The following RBFOX1 variants were observed in gnomAD, a reference collection of about 807,000 sequenced individuals.
The protein encoded by RBFOX1 is RNA binding protein fox-1 homolog 1.
A neutral mutation model predicts 57.7 loss-of-function variants in RBFOX1; 8 were observed. The observed-to-expected ratio is 0.14, with a 90% CI of 0.08 to 0.25. RBFOX1 has a LOEUF of 0.25. Among genes scored for constraint, RBFOX1 ranks in the 10% least tolerant of loss-of-function variants. The pLI is 1.00. For synonymous variants in RBFOX1, 326 were observed against 222.4 expected, an observed-to-expected ratio of 1.47 and a Z score of -4.15; for missense variants, 611 against 548.5, an observed-to-expected ratio of 1.11 and a Z score of -1.14.
intron 3 of RBFOX1, among the ~76,000 whole-genome samples, chr16:6,948,654 T>C (rs1598117037): frequency 6.6e-6 from 1 of 152,086 alleles, no homozygotes; most frequent in African/African-American, 2.4e-5. Context: ...AGTGCTGGGA[T>C]TACAAGCGTG....
At chr16:6,491,881 T>G (rs779882398) in intron 2 of RBFOX1, among the ~76,000 whole-genome samples, 2 of 152,216 alleles carry the variant, frequency 1.3e-5, no homozygotes, top group Admixed American at 1.3e-4. Flanking sequence ...GAATCTGATG[T>G]AGATGAAGAG....
intron 4 of RBFOX1, among the ~76,000 whole-genome samples, chr16:7,423,746 A>T (rs1020500850): frequency 6.6e-6 from 1 of 151,924 alleles, no homozygotes; most frequent in African/African-American, 2.4e-5. Context: ...TGTATTGCAC[A>T]CCTCTGTTCT....
chr16:7,141,010 G>A (rs1037576351), intron 4 of RBFOX1, among the ~76,000 whole-genome samples: 1 of 152,154 alleles, frequency 6.6e-6, no homozygotes, highest in African/African-American at 2.4e-5. Flanking sequence ...TAATAATGAA[G>A]CCTCCTCCAG....
At position 5,751,398 on chromosome 16, in the gene RBFOX1, C is replaced by A. The variant is rs370328989; in HGVS notation, c.319-115905C>A. 2.6e-5 allele frequency among the ~76,000 whole-genome samples: 4 copies of A among 152,304 alleles called. No homozygotes were observed. The East Asian group carries it at 7.7e-4, about 29-fold the overall frequency. ...TCATACTGATTACGTCTCTTGACATCTCTGTGAAGCAAGTGGGCGGATACC... is the reference window on the plus strand; with the variant it reads ...TCATACTGATTACGTCTCTTGACATATCTGTGAAGCAAGTGGGCGGATACC... On this transcript the variant is annotated intron_variant, in intron 3 of 19. Transcript: ENST00000641259.
chr16:7,374,013 C>T (rs1379293316), intron 4 of RBFOX1, among the ~76,000 whole-genome samples: 2 of 152,096 alleles, frequency 1.3e-5, no homozygotes, highest in Non-Finnish European at 2.9e-5. Context: ...CAGATATGAG[C>T]CATAAAACTT....
At chr16:5,373,919 A>G (rs1180116614) in intron 1 of RBFOX1, among the ~76,000 whole-genome samples, 1 of 149,170 alleles carries the variant, frequency 6.7e-6, no homozygotes, top group Non-Finnish European at 1.5e-5. Flanking sequence ...TCTTTTCTTT[A>G]TATGTTACCC....
At chr16:7,110,370 A>G (rs1304930600) in intron 4 of RBFOX1, among the ~76,000 whole-genome samples, 2 of 149,674 alleles carry the variant, frequency 1.3e-5, no homozygotes, top group Admixed American at 1.3e-4. Flanking sequence ...CTTAAAAAAA[A>G]GATCGTTCCC....
intron 4 of RBFOX1, among the ~76,000 whole-genome samples, chr16:5,988,840 A>G (rs1450749574): frequency 6.6e-6 from 1 of 152,106 alleles, no homozygotes; most frequent in East Asian, 1.9e-4. Context: ...ACCAAGACTC[A>G]GAGAGTATGA....
rs1240632286 is a variant in RBFOX1 at position 6,162,501 on chromosome 16, C to G, written c.-127+142509C>G. Among the ~76,000 whole-genome samples the G allele has an allele frequency of 2.0e-5, 3 of 152,160 alleles. No individual in the cohort carries two copies. The East Asian group carries it at 5.8e-4, about 29-fold the overall frequency. ...GGTGCATCTATATAAAATGTGACAA[C>G]TATTATCTGTTTAAGGAACGAAATG... is the stretch of plus-strand genomic sequence containing the variant. On this transcript the variant is annotated intron_variant, in intron 1 of 15. Transcript: ENST00000550418.
At chr16:5,712,919 C>G (rs987111986) in intron 3 of RBFOX1, among the ~76,000 whole-genome samples, 1 of 152,140 alleles carries the variant, frequency 6.6e-6, no homozygotes, top group South Asian at 2.1e-4. Context: ...CATGTTTTTC[C>G]ATGGAGATTG....
At chr16:6,801,933 A>G (rs983957053) in intron 3 of RBFOX1, among the ~76,000 whole-genome samples, 2 of 152,112 alleles carry the variant, frequency 1.3e-5, no homozygotes, top group African/African-American at 4.8e-5. Context: ...CTGGACCTTC[A>G]GTAAATTTAA....
At chr16:6,865,339 G>C (rs56258255) in intron 3 of RBFOX1, among the ~76,000 whole-genome samples, 13,113 of 151,954 alleles carry the variant, frequency 0.086, 618 homozygotes, top group South Asian at 0.12. Flanking sequence ...ATAATTACTT[G>C]AATAATATGT....
chr16:5,545,428 A>G (rs1466775500), intron 2 of RBFOX1, among the ~76,000 whole-genome samples: 1 of 152,232 alleles, frequency 6.6e-6, no homozygotes, highest in Non-Finnish European at 1.5e-5. Context: ...ACTGAAGTCC[A>G]ATATCTATCA....
chr16:7,589,090 A>C (rs964106589), intron 7 of RBFOX1, among the ~76,000 whole-genome samples: 4 of 152,168 alleles, frequency 2.6e-5, no homozygotes, highest in Admixed American at 1.3e-4. Flanking sequence ...CTGCAAAGCA[A>C]AGTGCATTGA....
intron 1 of RBFOX1, among the ~76,000 whole-genome samples, chr16:6,237,831 C>T (rs1218245671): frequency 6.6e-6 from 1 of 151,932 alleles, no homozygotes; most frequent in Admixed American, 6.6e-5. Context: ...CGTTGGCACA[C>T]ACCTGTAATC....
intron 3 of RBFOX1, among the ~76,000 whole-genome samples, chr16:6,669,419 T>G (rs190810512): frequency 6.6e-6 from 1 of 152,228 alleles, no homozygotes; most frequent in South Asian, 2.1e-4. Flanking sequence ...ACTGTGGCCA[T>G]CTTAAACTAA....
At chr16:5,781,669 C>G (rs1352677783) in intron 3 of RBFOX1, among the ~76,000 whole-genome samples, 1 of 152,180 alleles carries the variant, frequency 6.6e-6, no homozygotes, top group Non-Finnish European at 1.5e-5. Context: ...GCCAATAAAA[C>G]TTTATTTACA....
intron 2 of RBFOX1, among the ~76,000 whole-genome samples, chr16:5,482,105 G>A (rs2069564053): frequency 6.6e-6 from 1 of 152,156 alleles, no homozygotes; most frequent in South Asian, 2.1e-4. Flanking sequence ...CTTTCACCAT[G>A]GCGAATCGTG....
intron 2 of RBFOX1, among the ~76,000 whole-genome samples, chr16:6,412,139 A>C (rs1596817712): frequency 7.1e-6 from 1 of 140,908 alleles, no homozygotes; most frequent in African/African-American, 2.6e-5. Flanking sequence ...TGTAAAAAAA[A>C]AAAAACAAAA....
Sources: gnomAD v4.1 joint callset for allele counts (sites outside exome capture counted in the v4.1 genomes callset) on GRCh38, gnomAD v4.1.1 for gene constraint, MANE v1.5 for transcripts, NCBI Gene and HGNC (gene_info 2026-07-23, HGNC 2026-07-21) for gene names.